The following SPEF2 variants were observed in gnomAD, a reference collection of about 807,000 sequenced individuals.
SPEF2 encodes sperm flagella and cilia-associated protein 2.
Under a neutral mutation model 224.6 loss-of-function variants are expected in SPEF2, and 187 were observed. That is an observed-to-expected ratio of 0.83 (90% confidence interval 0.74 to 0.94). The LOEUF is 0.94. SPEF2 is among the 40% of genes least tolerant of loss of function. The pLI is 0.00. For synonymous variants in SPEF2, 715 were observed against 707.3 expected (o/e 1.01, Z -0.17); for missense variants, 2,170 against 2,135.6 (o/e 1.02, Z -0.32).
intron 31 of SPEF2, 95 bp downstream of exon 31, chr5:35,792,541 C>A: frequency 1.0e-6 from 1 of 970,452 alleles, no homozygotes; most frequent in Non-Finnish European, 1.5e-6. Context: ...TGCATAGTGT[C>A]TGACATTTAG....
chr5:35,784,855 A>T (rs771268049), intron 30 of SPEF2, among the ~76,000 whole-genome samples: 55 of 152,196 alleles, frequency 3.6e-4, no homozygotes, highest in Non-Finnish European at 6.2e-4. Flanking sequence ...AAGAGGCTAT[A>T]TGTGTGAGAG....
chr5:35,695,689 G>T (rs776176936), intron 13 of SPEF2, 46 bp from the exon 14 acceptor site: 1 of 1,492,792 alleles, frequency 6.7e-7, no homozygotes, highest in Non-Finnish European at 9.2e-7. Flanking sequence ...TTGGTTGTTA[G>T]GTGTAAATAC....
chr5:35,703,431 C>T (rs1739095403), intron 16 of SPEF2, among the ~76,000 whole-genome samples: 1 of 152,028 alleles, frequency 6.6e-6, no homozygotes, highest in South Asian at 2.1e-4. Context: ...GGACTGGATG[C>T]TAGTGAAGAG....
intron 2 of SPEF2, among the ~76,000 whole-genome samples, chr5:35,633,646 G>A (rs116527153): frequency 0.021 from 3,166 of 151,948 alleles, 56 homozygotes; most frequent in South Asian, 0.066. Context: ...GAGGATTTAA[G>A]TGTGTGATTT....
In SPEF2 at chr5:35,763,517, C is replaced by G. The variant is rs942687421; in HGVS notation, c.3621-5C>G. 4.5e-6 allele frequency: 7 copies of G among 1,539,368 alleles called. No homozygotes were observed. Among genetic ancestry groups the G allele is most frequent in the Admixed American group, 2.3e-5 (1 of 44,364 alleles). ...TTATCCTTTTTGCTTGTTTGTTTCT[C>G]AAAGAATTCCTCTAGTTCCTCGAAT... On this transcript the variant is annotated splice_polypyrimidine_tract_variant and splice_region_variant and intron_variant, in intron 25 of 36. Transcript: ENST00000356031.
intron 20 of SPEF2, among the ~76,000 whole-genome samples, chr5:35,713,749 T>TA (rs1741718834): frequency 8.0e-5 from 1 of 12,440 alleles, no homozygotes; most frequent in Non-Finnish European, 2.3e-4. Context: ...ATATATATAT[T>TA]TTATATATAT....
chr5:35,651,244 A>G lies in SPEF2; in HGVS notation c.791+1819A>G, dbSNP rs542737265. On this transcript the variant is annotated intron_variant, in intron 6 of 36. Transcript: ENST00000356031. ...GGAAACGTAGTCTTTAACTGGACAC[A>G]CTGTTTCCCTGCATAAAATTGGGGT... is the stretch of plus-strand genomic sequence containing the variant. Among the ~76,000 whole-genome samples, 4 of 152,318 alleles carry G rather than the reference A, an allele frequency of 2.6e-5. No homozygotes were observed. In the South Asian group the frequency reaches 8.3e-4, roughly 32 times the overall value.
intron 33 of SPEF2, among the ~76,000 whole-genome samples, chr5:35,798,317 C>A (rs778688153): frequency 1.3e-4 from 20 of 152,140 alleles, no homozygotes; most frequent in Non-Finnish European, 2.4e-4. Context: ...TCACCTCCTG[C>A]CATGCTCCCT....
intron 33 of SPEF2, among the ~76,000 whole-genome samples, chr5:35,796,211 C>T (rs1401022459): frequency 6.6e-6 from 1 of 152,196 alleles, no homozygotes; most frequent in Non-Finnish European, 1.5e-5. Context: ...CAGCATTGCC[C>T]ATAGCCCATC....
chr5:35,788,693 A>G, intron 30 of SPEF2: 1 of 703,042 alleles, frequency 1.4e-6, no homozygotes, highest in South Asian at 1.5e-5. Flanking sequence ...TACCCATAGC[A>G]TAGAGGGAGA....
At chr5:35,699,693 C>T (rs1580338917) in intron 15 of SPEF2, 1 of 152,170 alleles carries the variant, frequency 6.6e-6, no homozygotes, top group African/African-American at 2.4e-5. Flanking sequence ...ATCCTCACAA[C>T]TACCTTATGA....
At chr5:35,668,172 G>A (rs1232202270) in intron 9 of SPEF2, among the ~76,000 whole-genome samples, 1 of 152,028 alleles carries the variant, frequency 6.6e-6, no homozygotes, top group Non-Finnish European at 1.5e-5. Context: ...TTATCCTAGA[G>A]AAATTAAGAC....
At chr5:35,667,961 T>C (rs1296623123) in intron 9 of SPEF2, among the ~76,000 whole-genome samples, 2 of 152,116 alleles carry the variant, frequency 1.3e-5, no homozygotes, top group East Asian at 1.9e-4. Context: ...CACAATGATA[T>C]ATCATTACAC....
chr5:35,723,332 A>G (rs1482144475), intron 20 of SPEF2, among the ~76,000 whole-genome samples: 9 of 152,334 alleles, frequency 5.9e-5, no homozygotes, highest in Admixed American at 5.2e-4. Context: ...CTGCATCTGC[A>G]TCACCTGGAA....
At chr5:35,687,466 C>A (rs1234322308) in intron 10 of SPEF2, among the ~76,000 whole-genome samples, 2 of 150,680 alleles carry the variant, frequency 1.3e-5, no homozygotes, top group South Asian at 2.1e-4. Context: ...TGCACTTTAA[C>A]ATTTTTTTTG....
intron 35 of SPEF2, 78 bp from the exon 36 acceptor site, chr5:35,807,053 T>G: frequency 8.3e-6 from 13 of 1,563,100 alleles, no homozygotes; most frequent in Non-Finnish European, 1.0e-5. Context: ...ACAGAATCTC[T>G]TTAGTAAATA....
Position 35,705,794 on chromosome 5 carries a change from A to T in SPEF2, c.2651A>T (p.Lys884Ile). 1 of 1,489,852 alleles carries T rather than the reference A, an allele frequency of 6.7e-7. No individual in the cohort carries two copies. The highest frequency in any genetic ancestry group is 9.1e-7 in the Non-Finnish European group (1 of 1,097,344). 92.3% of individuals were successfully genotyped at this position (1,489,852 alleles called of 1,614,324 possible). A position where few individuals can be genotyped will look rare whatever the true frequency, so the allele number is the denominator to read the frequency against. ...GAAATTCTTACGACTGAAATAGCAA[A>T]AAAAAAGAATAAAGGTATTTACATT... ...VKEILTTEIA[K>I]KKNKVEKKLE... The change falls in exon 18 of 37, where the codon AAA (lysine) becomes ATA (isoleucine). Residue 884 changes from lysine (K) to isoleucine (I), a missense_variant. Coordinates refer to ENST00000356031, the MANE Select transcript of SPEF2 (RefSeq NM_024867.4).
At chr5:35,806,472 G>A (rs750274822) in intron 34 of SPEF2, among the ~76,000 whole-genome samples, 2 of 152,286 alleles carry the variant, frequency 1.3e-5, no homozygotes, top group South Asian at 4.1e-4. Context: ...AAGTTGTGTA[G>A]GACACACCCC....
intron 34 of SPEF2, among the ~76,000 whole-genome samples, chr5:35,805,600 T>A (rs2149869890): frequency 6.6e-6 from 1 of 152,250 alleles, no homozygotes; most frequent in Admixed American, 6.5e-5. Flanking sequence ...TCTTGGCAAA[T>A]TATCAAATAT....
Sources: allele counts gnomAD v4.1 joint callset (sites outside exome capture counted in the v4.1 genomes callset), GRCh38; gene constraint gnomAD v4.1.1; transcripts MANE v1.5; gene names NCBI Gene and HGNC (gene_info 2026-07-23, HGNC 2026-07-21).